The following WWTR1 variants were observed in gnomAD, a reference collection of about 807,000 sequenced individuals.
WWTR1 encodes WW domain-containing transcription regulator protein 1.
WWTR1 carries 13 observed loss-of-function variants against 40.1 expected under a neutral mutation model. The ratio of observed to expected loss-of-function variants is 0.32; its 90% CI spans 0.21 to 0.52. WWTR1 has a LOEUF of 0.52. Ranked by LOEUF, WWTR1 falls within the 20% of genes least tolerant of loss-of-function variation. WWTR1 has a pLI of 0.97. For synonymous variants in WWTR1, 230 were observed against 210.1 expected, an observed-to-expected ratio of 1.09 and a Z score of -0.82; for missense variants, 436 against 523.1, an observed-to-expected ratio of 0.83 and a Z score of 1.63.
At chr3:149,629,198 A>G (rs933014053) in intron 2 of WWTR1, among the ~76,000 whole-genome samples, 2 of 152,246 alleles carry the variant, frequency 1.3e-5, no homozygotes, top group African/African-American at 4.8e-5. Flanking sequence ...TACTGGAAAG[A>G]CCTCAGACTC....
At chr3:149,523,932 T>C (rs1308853506) in intron 6 of WWTR1, among the ~76,000 whole-genome samples, 1 of 152,226 alleles carries the variant, frequency 6.6e-6, no homozygotes, top group African/African-American at 2.4e-5. Context: ...GCACTCACAT[T>C]CCCACACTCA....
intron 2 of WWTR1, among the ~76,000 whole-genome samples, chr3:149,607,337 C>T (rs1034782170): frequency 2.6e-5 from 4 of 152,028 alleles, no homozygotes; most frequent in African/African-American, 9.7e-5. Context: ...TTTTTTGAGA[C>T]AGAGTTTCAC....
intron 3 of WWTR1, among the ~76,000 whole-genome samples, chr3:149,724,488 C>T (rs552380062): frequency 6.5e-4 from 80 of 123,008 alleles, no homozygotes; most frequent in African/African-American, 2.1e-3. Context: ...CACCCTACCC[C>T]CCAGACTCCT....
At chr3:149,629,163 G>A (rs899115188) in intron 2 of WWTR1, among the ~76,000 whole-genome samples, 2 of 152,006 alleles carry the variant, frequency 1.3e-5, no homozygotes, top group African/African-American at 2.4e-5. Context: ...GAGTTTAAGA[G>A]GAAAAAAAGT....
chr3:149,701,588 G>A (rs960498985), intron 1 of WWTR1: 6 of 178,456 alleles, frequency 3.4e-5, no homozygotes, highest in African/African-American at 1.4e-4. Flanking sequence ...AATATAACAT[G>A]ATAAAATATT....
rs1462719092 is a variant in WWTR1, at chr3:149,551,166, G to A, written c.569-8629C>T. 2.1e-5 allele frequency among the ~76,000 whole-genome samples: 3 copies of A among 144,206 alleles called. 1 individual carries two copies. The highest frequency in any genetic ancestry group is 4.5e-5 in the Non-Finnish European group (3 of 66,092). 94.6% of individuals were successfully genotyped at this position (144,206 alleles called of 152,430 possible). ...TACAAAATTAGCTGGGCATAGTGGT[G>A]CATGCCTTTAATCCCAGCTACTCGG... On this transcript the variant is annotated intron_variant, in intron 3 of 6. Transcript: ENST00000360632.
At chr3:149,529,979 TACAC>T (rs1735490301) in intron 4 of WWTR1, among the ~76,000 whole-genome samples, 1 of 152,220 alleles carries the variant, frequency 6.6e-6, no homozygotes, top group African/African-American at 2.4e-5. Context: ...TCTAAACAAA[TACAC>T]TTTTAATTTA....
At chr3:149,606,314 C>A (rs1739484325) in intron 2 of WWTR1, among the ~76,000 whole-genome samples, 2 of 152,114 alleles carry the variant, frequency 1.3e-5, no homozygotes, top group Admixed American at 6.5e-5. Flanking sequence ...CGTTTCAGGT[C>A]AAAAATGTGT....
chr3:149,671,779 A>T lies in WWTR1; in HGVS notation c.-107-1888T>A, dbSNP rs146991456. 7.6e-4 allele frequency among the ~76,000 whole-genome samples: 115 copies of T among 152,172 alleles called. 3 individuals carry two copies. In the East Asian group the frequency reaches 0.021, roughly 28 times the overall value. On this transcript the variant is annotated intron_variant, in intron 1 of 7. Transcript: ENST00000465804. ...CTACATATTTATCTTAATGTACTATATTATTATGCTTAAAGGTCTTATTAT... is the reference window on the plus strand; with the variant it reads ...CTACATATTTATCTTAATGTACTATTTTATTATGCTTAAAGGTCTTATTAT...
chr3:149,710,979 C>T (rs1715465780), intron 5 of WWTR1, among the ~76,000 whole-genome samples: 1 of 152,048 alleles, frequency 6.6e-6, no homozygotes, highest in Admixed American at 6.6e-5. Context: ...GCATATAAAG[C>T]CAGGTCACAG....
intron 2 of WWTR1, among the ~76,000 whole-genome samples, chr3:149,652,346 A>G (rs1047030987): frequency 6.6e-6 from 1 of 151,930 alleles, no homozygotes; most frequent in Non-Finnish European, 1.5e-5. Flanking sequence ...TGAAAAAGCC[A>G]GGTGTGGTGG....
intron 2 of WWTR1, among the ~76,000 whole-genome samples, chr3:149,580,110 C>T (rs78815523): frequency 0.05 from 7,589 of 152,186 alleles, 284 homozygotes; most frequent in Admixed American, 0.077. Context: ...TTTACTTTCT[C>T]GTTGTATGTT....
At chr3:149,683,069 G>A (rs190713611) in intron 1 of WWTR1, among the ~76,000 whole-genome samples, 1 of 152,304 alleles carries the variant, frequency 6.6e-6, no homozygotes, top group South Asian at 2.1e-4. Context: ...GCAATGAGCT[G>A]TTACTATGAA....
rs1052102497 is a variant in WWTR1 at position 149,693,581 on chromosome 3, T to C, written c.-108+9543A>G. Among the ~76,000 whole-genome samples the C allele has an allele frequency of 2.0e-5, 3 of 152,184 alleles. No individual in the cohort carries two copies. In the East Asian group the frequency reaches 5.8e-4, roughly 29 times the overall value. ...AATCACATTACTTGACTTCAAATTA[T>C]ATCACAGAGCTATAGTAACTGAAAC... On this transcript the variant is annotated intron_variant, in intron 1 of 7. Coordinates refer to the WWTR1 transcript ENST00000465804.
At chr3:149,642,730 G>C (rs976958801) in intron 2 of WWTR1, among the ~76,000 whole-genome samples, 6 of 151,408 alleles carry the variant, frequency 4.0e-5, no homozygotes, top group Non-Finnish European at 8.8e-5. Flanking sequence ...AGCCGAGATC[G>C]GGCCACTGCA....
intron 2 of WWTR1, among the ~76,000 whole-genome samples, chr3:149,637,191 C>T (rs919245772): frequency 2.6e-5 from 4 of 151,556 alleles, no homozygotes; most frequent in African/African-American, 9.7e-5. Context: ...CTGTGACCAC[C>T]CAGTCACATT....
In WWTR1 at chr3:149,551,717, C is replaced by T. The variant is rs1736624606; in HGVS notation, c.569-9180G>A. On this transcript the variant is annotated intron_variant, in intron 3 of 6. Coordinates refer to ENST00000360632, the MANE Select transcript of WWTR1 (RefSeq NM_015472.6). ...AGGCAAATGGGATGGTTTTTCACTC[C>T]AGGCCTATGGCCATCCATAGACCTA... is the stretch of plus-strand genomic sequence containing the variant. 1.4e-5 allele frequency among the ~76,000 whole-genome samples: 2 copies of T among 145,362 alleles called. 1 individual carries two copies. The highest frequency in any genetic ancestry group is 5.2e-5 in the African/African-American group (2 of 38,208).
intron 1 of WWTR1, chr3:149,701,535 T>G (rs1224047262): frequency 1.7e-5 from 3 of 181,532 alleles, no homozygotes; most frequent in Admixed American, 6.3e-5. Flanking sequence ...GGGCAGTGTC[T>G]GGTCTGTTTT....
chr3:149,661,733 G>GTTTT (rs369645645), upstream of WWTR1, among the ~76,000 whole-genome samples: 6 of 133,868 alleles, frequency 4.5e-5, no homozygotes, highest in Admixed American at 7.7e-5. Flanking sequence ...CACAAATAAA[G>GTTTT]TTTTTTTTTT....
Sources: gnomAD v4.1 joint callset for allele counts (sites outside exome capture counted in the v4.1 genomes callset) on GRCh38, gnomAD v4.1.1 for gene constraint, MANE v1.5 for transcripts, NCBI Gene and HGNC (gene_info 2026-07-23, HGNC 2026-07-21) for gene names.